Variants in DLGAP2 observed in about 807,000 individuals in gnomAD.
The protein encoded by DLGAP2 is disks large-associated protein 2.
DLGAP2 carries 26 observed loss-of-function variants against 100.3 expected under a neutral mutation model. That is an observed-to-expected ratio of 0.26 (90% CI 0.19 to 0.36). DLGAP2 has a LOEUF of 0.36. Among genes scored for constraint, DLGAP2 ranks in the 10% least tolerant of loss-of-function variants. The pLI is 1.00. For missense variants in DLGAP2, 1,858 were observed against 1,453.2 expected, an observed-to-expected ratio of 1.28 and a Z score of -4.53; for synonymous variants, 886 against 630.1, an observed-to-expected ratio of 1.41 and a Z score of -6.08.
intron 2 of DLGAP2, among the ~76,000 whole-genome samples, chr8:1,116,140 G>A (rs62486822): frequency 1.4e-3 from 207 of 152,326 alleles, no homozygotes; most frequent in Admixed American, 2.3e-3. Flanking sequence ...GATGCGGTAC[G>A]CAATCCCATC....
At chr8:1,294,140 C>T (rs980456316) in intron 3 of DLGAP2, among the ~76,000 whole-genome samples, 1 of 152,006 alleles carries the variant, frequency 6.6e-6, no homozygotes, top group Non-Finnish European at 1.5e-5. Context: ...CATCACCTCC[C>T]GAAACTGTAT....
intron 1 of DLGAP2, among the ~76,000 whole-genome samples, chr8:743,162 A>C (rs995383183): frequency 8.5e-5 from 13 of 152,226 alleles, no homozygotes; most frequent in Non-Finnish European, 1.5e-5. Flanking sequence ...CAAGGGAAAA[A>C]ATGCTAATTA....
intron 1 of DLGAP2, among the ~76,000 whole-genome samples, chr8:878,006 A>G (rs982729599): frequency 2.6e-5 from 4 of 152,176 alleles, no homozygotes; most frequent in African/African-American, 9.7e-5. Context: ...CTCTTGAAAG[A>G]TATTTCTTCA....
At chr8:1,133,014 C>G (rs2129049343) in intron 2 of DLGAP2, among the ~76,000 whole-genome samples, 1 of 152,310 alleles carries the variant, frequency 6.6e-6, no homozygotes, top group East Asian at 1.9e-4. Flanking sequence ...TTCACTTCCC[C>G]CTAATCTGGG....
At chr8:902,478 C>A (rs531750317) in intron 1 of DLGAP2, among the ~76,000 whole-genome samples, 1 of 147,278 alleles carries the variant, frequency 6.8e-6, no homozygotes, top group East Asian at 2.1e-4. Context: ...GGTAGCCTAG[C>A]GTGAGTCACA....
chr8:1,658,983 C>T (rs929192910), intron 8 of DLGAP2, among the ~76,000 whole-genome samples: 1 of 152,044 alleles, frequency 6.6e-6, no homozygotes, highest in Admixed American at 6.5e-5. Flanking sequence ...TGTAAATTTC[C>T]CTCTAAACAC....
At chr8:1,430,329 A>C (rs1317118403) in intron 3 of DLGAP2, among the ~76,000 whole-genome samples, 1 of 152,126 alleles carries the variant, frequency 6.6e-6, no homozygotes, top group African/African-American at 2.4e-5. Flanking sequence ...TAGTGGCTTC[A>C]TTGCTTTATA....
rs188530038 is a variant in DLGAP2, at chr8:1,007,173, G to A, written c.73+99207G>A. ...GGGTATGCCGTGTATATGAAGTCTC[G>A]GGATGTGGTCCTTTATCATGTCGGG... On this transcript the variant is annotated intron_variant, in intron 2 of 14. Coordinates refer to ENST00000637795, the MANE Select transcript of DLGAP2 (RefSeq NM_001346810.2). Among the ~76,000 whole-genome samples the A allele has an allele frequency of 7.8e-4, 119 of 151,674 alleles. 1 individual carries two copies. The highest frequency in any genetic ancestry group is 1.4e-3 in the Non-Finnish European group (96 of 67,886).
At chr8:790,373 G>A (rs1454449438) in intron 1 of DLGAP2, among the ~76,000 whole-genome samples, 2 of 152,156 alleles carry the variant, frequency 1.3e-5, no homozygotes, top group South Asian at 4.1e-4. Flanking sequence ...GATATTTGTT[G>A]GGTCTATGTA....
At chr8:1,353,094 C>T (rs1005279134) in intron 3 of DLGAP2, among the ~76,000 whole-genome samples, 6 of 152,276 alleles carry the variant, frequency 3.9e-5, no homozygotes, top group South Asian at 2.1e-4. Flanking sequence ...AGGACCCCCC[C>T]GAGGTCAGTG....
intron 1 of DLGAP2, among the ~76,000 whole-genome samples, chr8:802,470 G>T (rs1412711781): frequency 6.6e-6 from 1 of 152,194 alleles, no homozygotes; most frequent in Non-Finnish European, 1.5e-5. Flanking sequence ...TTGGGGTCGT[G>T]TTGTCCTTGC....
At chr8:945,612 G>T (rs1799298290) in intron 2 of DLGAP2, among the ~76,000 whole-genome samples, 1 of 152,256 alleles carries the variant, frequency 6.6e-6, no homozygotes, top group Non-Finnish European at 1.5e-5. Context: ...GTGCATTTGT[G>T]TAAGAGTTTG....
chr8:1,422,453 G>A lies in DLGAP2; in HGVS notation c.107-78913G>A, dbSNP rs542487018. On this transcript the variant is annotated intron_variant, in intron 3 of 14. Transcript: ENST00000637795. ...GCCGTGACTGAGCGAGGATCACTAA[G>A]AGCAAGTGATGCCAGGGAAACCTCT... 3.9e-5 allele frequency among the ~76,000 whole-genome samples: 6 copies of A among 152,056 alleles called. No individual in the cohort carries two copies. In the South Asian group the frequency reaches 1.0e-3, roughly 26 times the overall value.
At chr8:1,051,826 G>C (rs1802721950) in intron 2 of DLGAP2, among the ~76,000 whole-genome samples, 1 of 152,076 alleles carries the variant, frequency 6.6e-6, no homozygotes, top group Admixed American at 6.5e-5. Context: ...TCAGGGCTTA[G>C]CTCTACTCCT....
At chr8:1,507,162 C>T (rs753733438) in intron 4 of DLGAP2, among the ~76,000 whole-genome samples, 93 of 152,370 alleles carry the variant, frequency 6.1e-4, no homozygotes, top group Admixed American at 1.6e-3. Flanking sequence ...GCCTGCACTC[C>T]TCAGCCCTTG....
At chr8:1,084,648 T>G (rs969567182) in intron 2 of DLGAP2, among the ~76,000 whole-genome samples, 1 of 152,246 alleles carries the variant, frequency 6.6e-6, no homozygotes, top group Non-Finnish European at 1.5e-5. Flanking sequence ...TGTGCCTGGC[T>G]TCTTTCAGTT....
At chr8:1,419,625 C>T (rs1391210798) in intron 3 of DLGAP2, among the ~76,000 whole-genome samples, 1 of 152,190 alleles carries the variant, frequency 6.6e-6, no homozygotes, top group African/African-American at 2.4e-5. Context: ...CATCGCATCA[C>T]TAATCCCCAG....
At chr8:1,494,139 T>C (rs1261595063) in intron 3 of DLGAP2, among the ~76,000 whole-genome samples, 7 of 152,220 alleles carry the variant, frequency 4.6e-5, no homozygotes, top group Non-Finnish European at 7.3e-5. Flanking sequence ...AAGTGGGTCA[T>C]GTCCTTCTCT....
chr8:1,512,029 C>A (rs558466933), intron 4 of DLGAP2, among the ~76,000 whole-genome samples: 36 of 152,342 alleles, frequency 2.4e-4, no homozygotes, highest in African/African-American at 8.7e-4. Flanking sequence ...GACTAACAAT[C>A]TTCAGAAGTC....
Sources: allele counts gnomAD v4.1 joint callset (sites outside exome capture counted in the v4.1 genomes callset), GRCh38; gene constraint gnomAD v4.1.1; transcripts MANE v1.5; gene names NCBI Gene and HGNC (gene_info 2026-07-23, HGNC 2026-07-21).